The following GNG4 variants were observed in gnomAD, a reference collection of about 807,000 sequenced individuals.
The protein encoded by GNG4 is G protein subunit gamma 4.
GNG4 carries 4 observed loss-of-function variants against 5.8 expected under a neutral mutation model. The observed-to-expected ratio is 0.69, with a 90% CI of 0.34 to 1.57. GNG4 has a LOEUF of 1.57. Among genes scored for constraint, GNG4 ranks in the 40% most tolerant of loss-of-function variants. The pLI is 0.06. For missense variants in GNG4, 96 were observed against 95.1 expected (o/e 1.01, Z -0.04); for synonymous variants, 29 against 32.9 (o/e 0.88, Z 0.41).
At chr1:235,601,297 C>T (rs1688253589) in intron 1 of GNG4, among the ~76,000 whole-genome samples, 1 of 152,148 alleles carries the variant, frequency 6.6e-6, no homozygotes, top group Non-Finnish European at 1.5e-5. Context: ...CCTAGTGGTG[C>T]TCGGCTTTGA....
chr1:235,600,661 G>A (rs1422423985), intron 1 of GNG4, among the ~76,000 whole-genome samples: 1 of 151,992 alleles, frequency 6.6e-6, no homozygotes, highest in Non-Finnish European at 1.5e-5. Flanking sequence ...TGGCTCAAAG[G>A]ATCCTCCCAC....
intron 1 of GNG4, among the ~76,000 whole-genome samples, chr1:235,637,549 G>C (rs1657155737): frequency 1.3e-5 from 2 of 151,880 alleles, no homozygotes; most frequent in Non-Finnish European, 2.9e-5. Flanking sequence ...GCTACTAGGG[G>C]AGGCTAAAGC....
chr1:235,622,873 C>CAAA (rs59428350), intron 1 of GNG4, among the ~76,000 whole-genome samples: 2 of 66,672 alleles, frequency 3.0e-5, no homozygotes, highest in Non-Finnish European at 4.9e-5. Context: ...GACTCCATCT[C>CAAA]AAAAAAAAAA....
At chr1:235,608,841 G>A (rs923021610) in intron 1 of GNG4, among the ~76,000 whole-genome samples, 3 of 151,942 alleles carry the variant, frequency 2.0e-5, no homozygotes, top group African/African-American at 4.8e-5. Flanking sequence ...CCACCATCAC[G>A]CCCAGCTAAT....
At chr1:235,586,733 G>T (rs939147589) in intron 2 of GNG4, among the ~76,000 whole-genome samples, 2 of 152,174 alleles carry the variant, frequency 1.3e-5, no homozygotes, top group African/African-American at 4.8e-5. Flanking sequence ...GTGATAGTAT[G>T]GCTCCCCCTT....
rs116446798 is a variant in GNG4 at position 235,612,731 on chromosome 1, C to T, written c.-122-17220G>A. Among the ~76,000 whole-genome samples, 1,341 of 152,288 alleles carry T rather than the reference C, an allele frequency of 8.8e-3. 6 individuals are homozygous for T. The highest frequency in any genetic ancestry group is 0.014 in the Admixed American group (216 of 15,300). On this transcript the variant is annotated intron_variant, in intron 1 of 3. Coordinates refer to ENST00000391854, the MANE Select transcript of GNG4 (RefSeq NM_001098722.2). The stretch of plus-strand genomic sequence containing the variant: ...AAAGATGGGGTTTCGCTATGTTACC[C>T]AGGCTGGTCTTGAACACCTGGGCTC...
chr1:235,568,964 C>T (rs1271381683), intron 3 of GNG4, among the ~76,000 whole-genome samples: 1 of 151,948 alleles, frequency 6.6e-6, no homozygotes, highest in Non-Finnish European at 1.5e-5. Flanking sequence ...GTAGCTGGGA[C>T]TACAGGTGCT....
chr1:235,601,696 C>T (rs990611305), intron 1 of GNG4, among the ~76,000 whole-genome samples: 1 of 152,132 alleles, frequency 6.6e-6, no homozygotes. Context: ...CTTGCAGCTA[C>T]GTGTGGCTTT....
At chr1:235,552,345 T>A in intron 3 of GNG4, 108 bp from the exon 4 acceptor site, 1 of 989,270 alleles carries the variant, frequency 1.0e-6, no homozygotes. Flanking sequence ...TAGGCTGTAT[T>A]GTGTGCACGG....
chr1:235,555,633 C>T (rs1277579937), intron 3 of GNG4, among the ~76,000 whole-genome samples: 1 of 147,374 alleles, frequency 6.8e-6, no homozygotes, highest in South Asian at 2.1e-4. Flanking sequence ...GAGCTGTGAT[C>T]GCACCACTGC....
At chr1:235,585,103 TCCTTCCTTCCTTCCCTCCCTCCTTC>T (rs1282555463) in intron 2 of GNG4, among the ~76,000 whole-genome samples, 2 of 150,660 alleles carry the variant, frequency 1.3e-5, no homozygotes, top group African/African-American at 5.0e-5. Flanking sequence ...TTCTTTTTTC[TCCTTCCTTCCTTCCCTCCCTCCTTC>T]CCTTCCTCCC....
chr1:235,618,267 G>A (rs539541623), intron 1 of GNG4, among the ~76,000 whole-genome samples: 48 of 152,336 alleles, frequency 3.2e-4, no homozygotes, highest in African/African-American at 1.1e-3. Flanking sequence ...TCAATCACCT[G>A]TGTAGGTTAC....
At chr1:235,586,297 T>C (rs187913425) in intron 2 of GNG4, among the ~76,000 whole-genome samples, 1 of 151,684 alleles carries the variant, frequency 6.6e-6, no homozygotes, top group East Asian at 1.9e-4. Flanking sequence ...GCACATGTGT[T>C]GGTGTGTCCT....
rs571049696 is a variant in GNG4 at position 235,593,138 on chromosome 1, G to A, written c.-11+2262C>T. On this transcript the variant is annotated intron_variant, in intron 2 of 3. Transcript: ENST00000391854. ...TAATTTTTGTATTTTTAGTAGAGAT[G>A]GGGTTTCACCATGTTGGCCAGGCTG... Among the ~76,000 whole-genome samples the A allele has an allele frequency of 3.3e-4, 50 of 152,168 alleles. 1 individual carries two copies. The highest frequency in any genetic ancestry group is 6.8e-3 in the Middle Eastern group (2 of 294).
intron 1 of GNG4, among the ~76,000 whole-genome samples, chr1:235,634,139 C>T (rs1392143353): frequency 6.6e-6 from 1 of 152,142 alleles, no homozygotes; most frequent in Admixed American, 6.6e-5. Context: ...CAAAATTACC[C>T]TCCACCCCTG....
chr1:235,604,352 C>T (rs1053735265), intron 1 of GNG4, among the ~76,000 whole-genome samples: 3 of 152,248 alleles, frequency 2.0e-5, no homozygotes, highest in Non-Finnish European at 2.9e-5. Context: ...GGCTGGGCCA[C>T]GTCTCAGCTT....
intron 3 of GNG4, among the ~76,000 whole-genome samples, chr1:235,579,411 A>T (rs1318725386): frequency 1.6e-5 from 1 of 62,616 alleles, no homozygotes; most frequent in Non-Finnish European, 2.6e-5. Context: ...TACATTAATA[A>T]AAAAAAAAAA....
At chr1:235,591,018 G>A (rs1558488099) in intron 2 of GNG4, among the ~76,000 whole-genome samples, 2 of 152,152 alleles carry the variant, frequency 1.3e-5, no homozygotes, top group African/African-American at 4.8e-5. Flanking sequence ...AACGAGCTTC[G>A]TGAGGCTGCT....
chr1:235,621,217 CA>C (rs35400729), intron 1 of GNG4, among the ~76,000 whole-genome samples: 4,606 of 114,266 alleles, frequency 0.04, 229 homozygotes, highest in African/African-American at 0.14. Context: ...GGAGATTAGC[CA>C]AAAAAAAAAA....
Sources: gnomAD v4.1 joint callset for allele counts (sites outside exome capture counted in the v4.1 genomes callset) on GRCh38, gnomAD v4.1.1 for gene constraint, MANE v1.5 for transcripts, NCBI Gene and HGNC (gene_info 2026-07-23, HGNC 2026-07-21) for gene names.